COL24A1: variants seen among roughly 807,000 people sequenced by gnomAD.
The protein encoded by COL24A1 is collagen alpha-1(XXIV) chain.
Under a neutral mutation model 253.9 loss-of-function variants are expected in COL24A1, and 224 were observed. The observed-to-expected ratio is 0.88, with a 90% CI of 0.79 to 0.99. The LOEUF (loss-of-function observed/expected upper bound fraction) is 0.99, where lower values mean the gene tolerates loss of function less well. Ranked by LOEUF, COL24A1 falls within the 50% of genes least tolerant of loss-of-function variation. COL24A1 has a pLI of 0.00. For missense variants in COL24A1, 2,131 were observed against 2,068.5 expected, an observed-to-expected ratio of 1.03 and a Z score of -0.59; for synonymous variants, 685 against 673.7, an observed-to-expected ratio of 1.02 and a Z score of -0.26.
intron 7 of COL24A1, among the ~76,000 whole-genome samples, chr1:86,071,934 G>A (rs1701905755): frequency 6.6e-6 from 1 of 152,110 alleles, no homozygotes; most frequent in Non-Finnish European, 1.5e-5. Flanking sequence ...CCTAGCCAAG[G>A]GAAGCCATGA....
At chr1:86,047,566 C>A (rs1330445202) in intron 11 of COL24A1, among the ~76,000 whole-genome samples, 3 of 151,850 alleles carry the variant, frequency 2.0e-5, no homozygotes, top group African/African-American at 7.3e-5. Flanking sequence ...ACCTATCATT[C>A]AATAAATGGT....
chr1:86,152,506 C>T (rs1478059522), intron 1 of COL24A1, among the ~76,000 whole-genome samples: 1 of 152,094 alleles, frequency 6.6e-6, no homozygotes, highest in African/African-American at 2.4e-5. Flanking sequence ...TATATATATG[C>T]AAATATTCCA....
chr1:86,119,896 A>G (rs1218760394), intron 3 of COL24A1, among the ~76,000 whole-genome samples: 1 of 152,232 alleles, frequency 6.6e-6, no homozygotes, highest in Non-Finnish European at 1.5e-5. Context: ...AAACTATACT[A>G]CAAGGCTACA....
chr1:85,851,660 A>G (rs1307562808), intron 37 of COL24A1, among the ~76,000 whole-genome samples: 2 of 152,148 alleles, frequency 1.3e-5, no homozygotes, highest in African/African-American at 2.4e-5. Context: ...ATTTCAATTT[A>G]TGTTATTGGT....
upstream of COL24A1, chr1:86,156,862 G>A (rs12127447): frequency 0.038 from 5,810 of 153,340 alleles, 144 homozygotes; most frequent in Non-Finnish European, 0.054. Flanking sequence ...AACAGCCCGC[G>A]CCCGAACGTT....
chr1:85,789,509 G>T (rs1403525080), intron 47 of COL24A1, among the ~76,000 whole-genome samples: 1 of 152,138 alleles, frequency 6.6e-6, no homozygotes, highest in Admixed American at 6.5e-5. Flanking sequence ...TGCAAACAGA[G>T]ACAATTTGAC....
At chr1:85,795,384 C>T (rs17128331) in intron 47 of COL24A1, among the ~76,000 whole-genome samples, 8,619 of 151,898 alleles carry the variant, frequency 0.057, 850 homozygotes, top group African/African-American at 0.2. Flanking sequence ...TTGGCTTAGC[C>T]GTCATATTCT....
intron 47 of COL24A1, among the ~76,000 whole-genome samples, chr1:85,788,102 T>C (rs1669873171): frequency 6.6e-6 from 1 of 152,012 alleles, no homozygotes; most frequent in Non-Finnish European, 1.5e-5. Context: ...TTTTATTATG[T>C]TTTTTGGAGA....
chr1:85,774,496 G>T (rs1165736037), intron 53 of COL24A1, among the ~76,000 whole-genome samples: 1 of 152,112 alleles, frequency 6.6e-6, no homozygotes, highest in Non-Finnish European at 1.5e-5. Flanking sequence ...AATATGTTTG[G>T]TCCTGGACTT....
chr1:86,136,988 C>G (rs12728141), intron 2 of COL24A1, among the ~76,000 whole-genome samples: 85,402 of 137,804 alleles, frequency 0.62, 24,626 homozygotes, highest in Middle Eastern at 0.68. Context: ...AGGAGAACTG[C>G]AGACAAAAAA....
chr1:85,806,373 A>G (rs1671968611), intron 47 of COL24A1, among the ~76,000 whole-genome samples: 1 of 152,202 alleles, frequency 6.6e-6, no homozygotes, highest in Admixed American at 6.5e-5. Context: ...GAATAATGTG[A>G]TGATACAAAT....
intron 19 of COL24A1, among the ~76,000 whole-genome samples, chr1:86,006,254 A>G (rs2101098546): frequency 6.6e-6 from 1 of 152,274 alleles, no homozygotes; most frequent in South Asian, 2.1e-4. Flanking sequence ...CTGGACCTCA[A>G]GACTTACTAT....
At position 85,729,610 on chromosome 1, in the gene COL24A1, T is replaced by A. The variant is rs1227005880; in HGVS notation, c.*936A>T. 6.6e-6 allele frequency: 1 copy of A among 152,514 alleles called. No individual in the cohort carries two copies. Among genetic ancestry groups the A allele is most frequent in the African/African-American group, 2.4e-5 (1 of 41,434 alleles). The allele number at this position is 152,514 out of a possible 1,614,324, so 9.4% of individuals were successfully genotyped here. On this transcript the variant is annotated 3_prime_UTR_variant, in exon 60 of 60. Coordinates refer to ENST00000370571, the MANE Select transcript of COL24A1 (RefSeq NM_152890.7). ...TTCAAAAAATTTGCTGAATTAAAACTTTACAAAATATATATACACTAAGTA... is the reference window on the plus strand; with the variant it reads ...TTCAAAAAATTTGCTGAATTAAAACATTACAAAATATATATACACTAAGTA...
intron 29 of COL24A1, 94 bp downstream of exon 29, chr1:85,896,262 C>T (rs919927866): frequency 1.5e-6 from 2 of 1,322,144 alleles, no homozygotes; most frequent in Non-Finnish European, 1.1e-6. Context: ...TAGAACCATA[C>T]TTTTGTAGGG....
At position 86,045,623 on chromosome 1, in the gene COL24A1, T is replaced by C. The variant is rs146366314; in HGVS notation, c.1950+1202A>G. On this transcript the variant is annotated intron_variant, in intron 12 of 59. Coordinates refer to ENST00000370571, the MANE Select transcript of COL24A1 (RefSeq NM_152890.7). ...CAGAGTATAGTTAAATGAGATGGCA[T>C]ACAAAATACTTATCACAGTGTTGAG... is the stretch of plus-strand genomic sequence containing the variant. Among the ~76,000 whole-genome samples, 3 of 152,256 alleles carry C rather than the reference T, an allele frequency of 2.0e-5. No homozygotes were observed. In the East Asian group the frequency reaches 5.8e-4, roughly 29 times the overall value.
chr1:85,854,128 A>G (rs1678137918), intron 37 of COL24A1, among the ~76,000 whole-genome samples: 1 of 152,154 alleles, frequency 6.6e-6, no homozygotes, highest in Admixed American at 6.5e-5. Flanking sequence ...TCCATCTTAA[A>G]TTGATTTTTG....
chr1:85,844,987 A>G (rs1427049025), intron 39 of COL24A1, among the ~76,000 whole-genome samples: 2 of 152,056 alleles, frequency 1.3e-5, no homozygotes, highest in Non-Finnish European at 2.9e-5. Context: ...AATCCAATCA[A>G]TGATAGCATA....
intron 2 of COL24A1, among the ~76,000 whole-genome samples, chr1:86,126,972 C>A (rs1033492368): frequency 6.6e-6 from 1 of 152,052 alleles, no homozygotes; most frequent in Non-Finnish European, 1.5e-5. Context: ...TAGGTTCACA[C>A]GATCCCTTAA....
chr1:86,085,862 G>A (rs995986674), intron 7 of COL24A1, among the ~76,000 whole-genome samples: 2 of 152,122 alleles, frequency 1.3e-5, no homozygotes, highest in Non-Finnish European at 2.9e-5. Flanking sequence ...GGGAATGGAT[G>A]GATAAAAGGG....
Sources: allele counts gnomAD v4.1 joint callset (sites outside exome capture counted in the v4.1 genomes callset), GRCh38; gene constraint gnomAD v4.1.1; transcripts MANE v1.5; gene names NCBI Gene and HGNC (gene_info 2026-07-23, HGNC 2026-07-21).